The following ADGRL2 variants were observed in gnomAD, a reference collection of about 807,000 sequenced individuals.
ADGRL2 encodes calcium-independent alpha-latrotoxin receptor 2.
In ADGRL2, 44 loss-of-function variants were observed where a neutral mutation model predicts 157.4. The observed-to-expected ratio is 0.28, with a 90% CI of 0.22 to 0.36. ADGRL2 has a LOEUF of 0.36. Among genes scored for constraint, ADGRL2 ranks in the 10% least tolerant of loss-of-function variants. The probability of loss-of-function intolerance (pLI) is 1.00; values close to 1 mark genes in which losing one functional copy is unlikely to be tolerated. For synonymous variants in ADGRL2, 585 were observed against 624.7 expected (o/e 0.94, Z 0.95); for missense variants, 1,510 against 1,768.9 (o/e 0.85, Z 2.63).
At chr1:81,512,010 T>A (rs759154462) in intron 2 of ADGRL2, among the ~76,000 whole-genome samples, 9 of 152,198 alleles carry the variant, frequency 5.9e-5, no homozygotes, top group Non-Finnish European at 1.2e-4. Flanking sequence ...GTCCATAATG[T>A]ATGTCTGTGC....
At chr1:81,382,534 T>A (rs1426608214) in intron 1 of ADGRL2, among the ~76,000 whole-genome samples, 1 of 152,188 alleles carries the variant, frequency 6.6e-6, no homozygotes, top group East Asian at 1.9e-4. Flanking sequence ...TTTGCTTTTT[T>A]AAAAGCAACT....
At chr1:81,572,149 T>G (rs1490224735) in intron 2 of ADGRL2, among the ~76,000 whole-genome samples, 4 of 152,234 alleles carry the variant, frequency 2.6e-5, no homozygotes, top group African/African-American at 7.2e-5. Flanking sequence ...GTGAGGAATT[T>G]ATTGGCCTCT....
chr1:81,540,271 A>G (rs2079850187), intron 2 of ADGRL2, among the ~76,000 whole-genome samples: 1 of 152,200 alleles, frequency 6.6e-6, no homozygotes, highest in Admixed American at 6.5e-5. Flanking sequence ...TTCCAATTTT[A>G]TAAAGTAAGT....
At chr1:81,954,747 C>T (rs763457157) in intron 10 of ADGRL2, among the ~76,000 whole-genome samples, 5 of 152,282 alleles carry the variant, frequency 3.3e-5, no homozygotes, top group Middle Eastern at 6.8e-3. Flanking sequence ...GTGTCTCACA[C>T]GGCAGACAGA....
At chr1:81,908,181 C>A (rs1461184919) in intron 3 of ADGRL2, among the ~76,000 whole-genome samples, 1 of 152,142 alleles carries the variant, frequency 6.6e-6, no homozygotes, top group East Asian at 1.9e-4. Context: ...GCTATACTAT[C>A]TCAGTTTGTT....
At chr1:81,662,556 T>TC (rs2082673707) in intron 3 of ADGRL2, among the ~76,000 whole-genome samples, 1 of 146,938 alleles carries the variant, frequency 6.8e-6, no homozygotes, top group Non-Finnish European at 1.5e-5. Flanking sequence ...GTTCATTCTT[T>TC]CTTTTTTTTT....
chr1:81,644,039 C>T (rs2082270083), intron 3 of ADGRL2, among the ~76,000 whole-genome samples: 1 of 152,006 alleles, frequency 6.6e-6, no homozygotes, highest in South Asian at 2.1e-4. Flanking sequence ...ACAAATAGAT[C>T]AAAGAAACAG....
chr1:81,386,747 A>T (rs1570799401), intron 1 of ADGRL2, among the ~76,000 whole-genome samples: 1 of 152,304 alleles, frequency 6.6e-6, no homozygotes, highest in East Asian at 1.9e-4. Context: ...TGCCATTCTC[A>T]TGAATAGAAT....
chr1:81,930,113 A>G (rs915307194), intron 3 of ADGRL2, among the ~76,000 whole-genome samples: 3 of 152,176 alleles, frequency 2.0e-5, no homozygotes, highest in African/African-American at 7.2e-5. Context: ...AGAGATAAAC[A>G]GTATGCTATA....
At position 81,936,738 on chromosome 1, in the gene ADGRL2, C is replaced by T. The variant is rs775512975; in HGVS notation, c.298C>T (p.Arg100Ter). ...FKIMTQRCNN[R>*]TQCIVVTGSD... ...CATTTTGTTTTTCAGGTGCAACAAT[C>T]GAACACAGTGTATAGTAGTTACTGG... Residue 100 changes from arginine (R) to a stop codon, truncating the protein, a stop_gained, in exon 4 of 24, where the codon CGA becomes TGA. Coordinates refer to ENST00000686636, the MANE Select transcript of ADGRL2 (RefSeq NM_001366006.2). LOFTEE classifies it high-confidence loss of function. The T allele has an allele frequency of 2.5e-6, 4 of 1,579,566 alleles. No homozygotes were observed. Among genetic ancestry groups the T allele is most frequent in the East Asian group, 2.2e-5 (1 of 44,448 alleles).
chr1:81,956,544 A>G (rs919472876), intron 11 of ADGRL2, among the ~76,000 whole-genome samples: 10 of 152,182 alleles, frequency 6.6e-5, no homozygotes, highest in Non-Finnish European at 1.5e-4. Context: ...ATCTCCCACA[A>G]TGCAGAACAT....
intron 2 of ADGRL2, among the ~76,000 whole-genome samples, chr1:81,538,762 T>C (rs1288889657): frequency 6.6e-6 from 1 of 152,114 alleles, no homozygotes; most frequent in African/African-American, 2.4e-5. Flanking sequence ...CCCAGCACTT[T>C]GGGAGGCCAA....
intron 2 of ADGRL2, among the ~76,000 whole-genome samples, chr1:81,514,361 C>T (rs545183410): frequency 1.1e-4 from 17 of 152,176 alleles, no homozygotes; most frequent in African/African-American, 3.9e-4. Context: ...TTGCATAGTT[C>T]GAATGAATTA....
intron 11 of ADGRL2, among the ~76,000 whole-genome samples, chr1:81,958,160 G>A (rs1386916071): frequency 6.6e-6 from 1 of 152,144 alleles, no homozygotes; most frequent in Non-Finnish European, 1.5e-5. Flanking sequence ...AAGAGGCTGA[G>A]GCAGGAGAAT....
At chr1:81,549,075 T>C (rs899361956) in intron 2 of ADGRL2, among the ~76,000 whole-genome samples, 1 of 152,232 alleles carries the variant, frequency 6.6e-6, no homozygotes, top group Non-Finnish European at 1.5e-5. Flanking sequence ...CTGCACTTTC[T>C]AGTTCTCACT....
At chr1:81,639,510 T>C (rs1396847254) in intron 3 of ADGRL2, among the ~76,000 whole-genome samples, 1 of 119,932 alleles carries the variant, frequency 8.3e-6, no homozygotes, top group Non-Finnish European at 1.6e-5. Context: ...TCAAGATCAG[T>C]ATGGCCAATG....
intron 2 of ADGRL2, among the ~76,000 whole-genome samples, chr1:81,765,588 T>C (rs1362190528): frequency 1.3e-5 from 2 of 152,048 alleles, no homozygotes; most frequent in Non-Finnish European, 2.9e-5. Flanking sequence ...TTTTCTAAGA[T>C]ATTGATGAGA....
intron 1 of ADGRL2, among the ~76,000 whole-genome samples, chr1:81,730,966 A>G (rs1232384017): frequency 1.3e-5 from 2 of 152,208 alleles, no homozygotes; most frequent in Admixed American, 1.3e-4. Context: ...TTACCCTCCC[A>G]TGATTCAGAT....
chr1:81,930,960 C>T (rs531163155), intron 3 of ADGRL2, among the ~76,000 whole-genome samples: 5 of 152,036 alleles, frequency 3.3e-5, no homozygotes, highest in African/African-American at 7.2e-5. Context: ...GATGAGACCT[C>T]GTCTCTACTG....
Sources: gnomAD v4.1 joint callset for allele counts (sites outside exome capture counted in the v4.1 genomes callset) on GRCh38, gnomAD v4.1.1 for gene constraint, MANE v1.5 for transcripts, NCBI Gene and HGNC (gene_info 2026-07-23, HGNC 2026-07-21) for gene names.